Variants in ELP1 observed in about 807,000 individuals in gnomAD.
ELP1 encodes elongator acetyltransferase complex subunit 1.
A neutral mutation model predicts 183.2 loss-of-function variants in ELP1; 131 were observed. The observed-to-expected ratio is 0.72, with a 90% CI of 0.62 to 0.83. ELP1 has a LOEUF of 0.83. Ranked by LOEUF, ELP1 falls within the 40% of genes least tolerant of loss-of-function variation. ELP1 has a pLI of 0.00. For synonymous variants in ELP1, 555 were observed against 569.0 expected (o/e 0.98, Z 0.35); for missense variants, 1,550 against 1,594.9 (o/e 0.97, Z 0.48).
intron 35 of ELP1, among the ~76,000 whole-genome samples, chr9:108,877,036 A>G (rs1827731150): frequency 6.6e-6 from 1 of 152,102 alleles, no homozygotes; most frequent in Admixed American, 6.6e-5. Context: ...ACCTGGCCCG[A>G]CCGGCTGGCT....
chr9:108,892,133 G>C (rs772694685), intron 27 of ELP1, among the ~76,000 whole-genome samples: 43 of 152,280 alleles, frequency 2.8e-4, no homozygotes, highest in African/African-American at 1.0e-3. Flanking sequence ...CAGCTAATCA[G>C]CAGTTTGACA....
chr9:108,933,619 A>C (rs1830073093), intron 1 of ELP1, among the ~76,000 whole-genome samples: 1 of 152,224 alleles, frequency 6.6e-6, no homozygotes, highest in Non-Finnish European at 1.5e-5. Context: ...GCAAGCAATC[A>C]AGAGGCTGGG....
chr9:108,909,765 ATT>A (rs1669964700), intron 12 of ELP1, among the ~76,000 whole-genome samples: 1 of 152,090 alleles, frequency 6.6e-6, no homozygotes, highest in Admixed American at 6.6e-5. Flanking sequence ...AACCCCACAT[ATT>A]GATGCCGAAC....
chr9:108,901,907 C>G (rs891602035), intron 16 of ELP1, among the ~76,000 whole-genome samples: 8 of 152,116 alleles, frequency 5.3e-5, no homozygotes, highest in African/African-American at 1.7e-4. Context: ...ATATCTCAAA[C>G]CCATCTCCTT....
intron 36 of ELP1, among the ~76,000 whole-genome samples, chr9:108,870,167 A>G (rs553292440): frequency 6.6e-6 from 1 of 152,182 alleles, no homozygotes; most frequent in Admixed American, 6.5e-5. Context: ...AGGTTTCACC[A>G]TGCTGCCCAG....
Position 108,898,708 on chromosome 9 carries a change from C to T in ELP1, c.2246G>A (p.Arg749Lys), listed in dbSNP as rs1452809051. Residue 749 changes from arginine to lysine, a missense_variant, in exon 21 of 37, where the codon AGA becomes AAA. Arg to Lys is a conservative substitution (Grantham distance 26). Coordinates refer to ENST00000374647, the MANE Select transcript of ELP1 (RefSeq NM_003640.5). ...KEAFECMRKLRINLNLIYDHN... is the reference protein window; with the variant it reads ...KEAFECMRKLKINLNLIYDHN... ...ATCATAAATCAGATTGAGATTGATT[C>T]TCAGCTTTCTCATGCATTCAAATGC... 2 of 1,612,874 alleles carry T rather than the reference C, an allele frequency of 1.2e-6. No homozygotes were observed. Among genetic ancestry groups the T allele is most frequent in the Non-Finnish European group, 1.7e-6 (2 of 1,179,378 alleles).
At chr9:108,893,132 T>C in intron 26 of ELP1, 49 bp from the exon 27 acceptor site, 2 of 1,292,116 alleles carry the variant, frequency 1.5e-6, no homozygotes, top group Non-Finnish European at 2.3e-6. Context: ...ATGGGAAGCA[T>C]AATGGACTTC....
chr9:108,883,098 T>C (rs1373460491), intron 29 of ELP1, among the ~76,000 whole-genome samples: 1 of 152,252 alleles, frequency 6.6e-6, no homozygotes, highest in Non-Finnish European at 1.5e-5. Context: ...TTGGTATTAA[T>C]TCTAACCATC....
intron 28 of ELP1, 31 bp downstream of exon 28, chr9:108,891,172 T>A: frequency 6.2e-7 from 1 of 1,602,316 alleles, no homozygotes; most frequent in Non-Finnish European, 8.6e-7. Flanking sequence ...AAAACCTTTG[T>A]AGATGTAAAC....
rs919964133 is a variant in ELP1, at chr9:108,897,304, G to C, written c.2364-19C>G. On this transcript the variant is annotated intron_variant, in intron 22 of 36. Transcript: ENST00000374647. The stretch of plus-strand genomic sequence containing the variant: ...TTCTTCTCTAAGAACAGGTGTGTAT[G>C]GAATGGTCATCAACAGAACATGTAG... 1.2e-6 allele frequency: 2 copies of C among 1,613,652 alleles called. No homozygotes were observed. The highest frequency in any genetic ancestry group is 3.4e-4 in the Middle Eastern group (2 of 5,880).
intron 5 of ELP1, 64 bp downstream of exon 5, chr9:108,926,459 C>G (rs779633555): frequency 3.9e-6 from 5 of 1,295,526 alleles, no homozygotes; most frequent in Middle Eastern, 1.8e-4. Flanking sequence ...TATTAGTGCA[C>G]AAGGAAATGG....
intron 12 of ELP1, among the ~76,000 whole-genome samples, chr9:108,909,271 T>C (rs1829124805): frequency 6.6e-6 from 1 of 152,206 alleles, no homozygotes; most frequent in Non-Finnish European, 1.5e-5. Context: ...TGATATCTTT[T>C]GTCTACACCT....
chr9:108,912,192 A>G, intron 11 of ELP1, 72 bp downstream of exon 11: 2 of 1,182,618 alleles, frequency 1.7e-6, no homozygotes, highest in Non-Finnish European at 2.5e-6. Context: ...TGTTCCAGTC[A>G]AACCACCACA....
intron 36 of ELP1, among the ~76,000 whole-genome samples, chr9:108,871,862 A>G (rs1005766917): frequency 6.6e-6 from 1 of 152,252 alleles, no homozygotes; most frequent in Non-Finnish European, 1.5e-5. Context: ...TATTTTGCAA[A>G]AAGTACAAGG....
chr9:108,926,078 A>AC (rs754229613), intron 5 of ELP1, among the ~76,000 whole-genome samples: 1 of 152,064 alleles, frequency 6.6e-6, no homozygotes. Context: ...GCCCTTCAAT[A>AC]CCCCCACAGC....
At chr9:108,879,003 C>T (rs527973930) in intron 33 of ELP1, among the ~76,000 whole-genome samples, 1 of 152,294 alleles carries the variant, frequency 6.6e-6, no homozygotes, top group African/African-American at 2.4e-5. Context: ...CTGCACCTAC[C>T]ATATGAGTGC....
chr9:108,902,049 A>C (rs1307544526), intron 16 of ELP1, among the ~76,000 whole-genome samples: 2 of 152,204 alleles, frequency 1.3e-5, no homozygotes, highest in African/African-American at 4.8e-5. Flanking sequence ...TCTGTTATTA[A>C]AAATCACAAG....
intron 22 of ELP1, among the ~76,000 whole-genome samples, 167 bp from the exon 23 acceptor site, chr9:108,897,452 C>T (rs754495951): frequency 1.3e-4 from 20 of 152,112 alleles, no homozygotes; most frequent in African/African-American, 1.9e-4. Context: ...AAGACTTATA[C>T]AAATGTTTGT....
rs141910724 is a variant in ELP1 at position 108,879,314 on chromosome 9, A to G, written c.3572+132T>C. The G allele has an allele frequency of 2.6e-4, 194 of 734,922 alleles. 1 individual carries two copies. The African/African-American group carries it at 3.1e-3, about 12-fold the overall frequency. The allele number at this position is 734,922 out of a possible 1,614,324, so 45.5% of individuals were successfully genotyped here. ...GATATGCTGGGAAAGTGTCTGAACA[A>G]CTTCCACACAGCGCTGAAGAATATT... On this transcript the variant is annotated intron_variant, in intron 33 of 36. Coordinates refer to ENST00000374647, the MANE Select transcript of ELP1 (RefSeq NM_003640.5).
Sources: gnomAD v4.1 joint callset for allele counts (sites outside exome capture counted in the v4.1 genomes callset) on GRCh38, gnomAD v4.1.1 for gene constraint, MANE v1.5 for transcripts, NCBI Gene and HGNC (gene_info 2026-07-23, HGNC 2026-07-21) for gene names.